Variants in FGF14 observed in about 807,000 individuals in gnomAD.
FGF14 encodes fibroblast growth factor homologous factor 4.
FGF14 carries 5 observed loss-of-function variants against 25.5 expected under a neutral mutation model. The ratio of observed to expected loss-of-function variants is 0.20; its 90% CI spans 0.10 to 0.41. The LOEUF (loss-of-function observed/expected upper bound fraction) is 0.41. Among genes scored for constraint, FGF14 ranks in the 10% least tolerant of loss-of-function variants. FGF14 has a pLI of 1.00. For synonymous variants in FGF14, 138 were observed against 118.3 expected, an observed-to-expected ratio of 1.17 and a Z score of -1.08; for missense variants, 222 against 320.1, an observed-to-expected ratio of 0.69 and a Z score of 2.34.
Position 102,150,087 on chromosome 13 carries a change from A to T in FGF14, c.208+251384T>A, listed in dbSNP as rs114594647. Among the ~76,000 whole-genome samples the T allele has an allele frequency of 3.4e-3, 513 of 152,322 alleles. 1 individual carries two copies. The highest frequency in any genetic ancestry group is 0.011 in the African/African-American group (456 of 41,580). On this transcript the variant is annotated intron_variant, in intron 1 of 4. Transcript: ENST00000376131. ...TACCCCAGTTGAAGCGGAGTAAGAC[A>T]GTGGAAAGAGCATTGATCAGGGAAC... is the stretch of plus-strand genomic sequence containing the variant.
chr13:101,760,542 G>C (rs1344178408), intron 3 of FGF14, among the ~76,000 whole-genome samples: 1 of 152,136 alleles, frequency 6.6e-6, no homozygotes, highest in African/African-American at 2.4e-5. Flanking sequence ...AACTGTTCAT[G>C]CTGTTCCCTT....
At chr13:102,148,145 G>A (rs573598128) in intron 1 of FGF14, among the ~76,000 whole-genome samples, 13 of 152,158 alleles carry the variant, frequency 8.5e-5, no homozygotes, top group Admixed American at 2.6e-4. Context: ...TACATGAGAA[G>A]CTCATTTATC....
rs555531943 is a variant in FGF14 at position 102,253,729 on chromosome 13, C to T, written c.208+147742G>A. 5.4e-3 allele frequency among the ~76,000 whole-genome samples: 816 copies of T among 152,122 alleles called. 8 individuals carry two copies. Among genetic ancestry groups the T allele is most frequent in the African/African-American group, 0.018 (766 of 41,504 alleles). On this transcript the variant is annotated intron_variant, in intron 1 of 4. Transcript: ENST00000376131. ...ACTCTTACTCTTTATGGGTTTTTTT[C>T]CCCCACATATTTTCGATCTGTGGTT...
At chr13:102,095,025 C>T (rs890355437) in intron 1 of FGF14, among the ~76,000 whole-genome samples, 4 of 152,108 alleles carry the variant, frequency 2.6e-5, no homozygotes, top group Non-Finnish European at 5.9e-5. Context: ...AGAGAAACAT[C>T]ATGAAAGCCT....
At chr13:101,844,462 C>G (rs574718862) in intron 3 of FGF14, among the ~76,000 whole-genome samples, 1 of 151,974 alleles carries the variant, frequency 6.6e-6, no homozygotes, top group African/African-American at 2.4e-5. Flanking sequence ...ATCATAATAA[C>G]CATATAATTA....
chr13:102,150,076 C>T (rs72665334), intron 1 of FGF14, among the ~76,000 whole-genome samples: 7,321 of 152,134 alleles, frequency 0.048, 309 homozygotes, highest in Non-Finnish European at 0.065. Flanking sequence ...CCAGTTGAAG[C>T]GGAGTAAGAC....
intron 1 of FGF14, among the ~76,000 whole-genome samples, chr13:101,986,360 C>A (rs1594910816): frequency 6.6e-6 from 1 of 152,090 alleles, no homozygotes. Flanking sequence ...AGCTATGACA[C>A]AATAATAGTT....
At chr13:102,305,030 T>C (rs1478830863) in intron 1 of FGF14, among the ~76,000 whole-genome samples, 1 of 152,184 alleles carries the variant, frequency 6.6e-6, no homozygotes, top group Non-Finnish European at 1.5e-5. Context: ...ACAGTGTGCA[T>C]ACAAAATCCA....
intron 3 of FGF14, among the ~76,000 whole-genome samples, chr13:101,764,688 C>A (rs7338070): frequency 6.6e-6 from 1 of 152,102 alleles, no homozygotes; most frequent in African/African-American, 2.4e-5. Context: ...TAGTGGGATT[C>A]CTGGTCTCTA....
At chr13:101,795,176 T>C (rs990387) in intron 3 of FGF14, among the ~76,000 whole-genome samples, 134,422 of 152,148 alleles carry the variant, frequency 0.88, 61,659 homozygotes, top group East Asian at 1. Context: ...ACAGACAATA[T>C]GCATTCACAT....
chr13:102,096,161 G>A (rs1037187227), intron 1 of FGF14, among the ~76,000 whole-genome samples: 3 of 151,938 alleles, frequency 2.0e-5, no homozygotes, highest in African/African-American at 7.3e-5. Context: ...TTTAGCAAAG[G>A]TCACTCAATA....
intron 1 of FGF14, among the ~76,000 whole-genome samples, chr13:102,093,813 T>TTA (rs1251444754): frequency 6.9e-6 from 1 of 144,122 alleles, no homozygotes; most frequent in Non-Finnish European, 1.5e-5. Flanking sequence ...GATCATTGTT[T>TTA]AAAAAAAAAA....
chr13:101,930,840 T>C (rs78305913), intron 1 of FGF14, among the ~76,000 whole-genome samples: 6,084 of 152,218 alleles, frequency 0.04, 435 homozygotes, highest in African/African-American at 0.14. Flanking sequence ...CTCAAAAGTT[T>C]AGTAGGAAGG....
intron 1 of FGF14, among the ~76,000 whole-genome samples, chr13:102,151,460 T>C (rs1429089119): frequency 6.6e-6 from 1 of 152,194 alleles, no homozygotes; most frequent in Non-Finnish European, 1.5e-5. Context: ...TATACTAATG[T>C]CAAATCGTAT....
intron 1 of FGF14, among the ~76,000 whole-genome samples, chr13:101,928,760 A>C (rs1389426027): frequency 2.0e-5 from 3 of 152,170 alleles, no homozygotes; most frequent in Non-Finnish European, 4.4e-5. Context: ...CCTCTCCATC[A>C]CAGCTCTGTA....
At chr13:102,056,136 T>C (rs1466151098) in intron 1 of FGF14, among the ~76,000 whole-genome samples, 2 of 152,230 alleles carry the variant, frequency 1.3e-5, no homozygotes, top group Non-Finnish European at 2.9e-5. Context: ...AACACAGCTA[T>C]GCTCATTCAT....
In FGF14 at chr13:101,722,601, G is replaced by A. The variant is rs888866989; in HGVS notation, c.*230C>T. 3.4e-6 allele frequency: 2 copies of A among 581,378 alleles called. No homozygotes were observed. The highest frequency in any genetic ancestry group is 6.2e-6 in the Non-Finnish European group (2 of 324,638). 36.0% of individuals were successfully genotyped at this position (581,378 alleles called of 1,614,324 possible). A position where few individuals can be genotyped will look rare whatever the true frequency, so the allele number is the denominator to read the frequency against. On this transcript the variant is annotated 3_prime_UTR_variant, in exon 5 of 5. Transcript: ENST00000376143. ...ATATTAAAAAGGCATTCCATATCTG[G>A]TAGGGCATTCCATGGTCTGAGTTTA...
chr13:101,859,433 A>G (rs2044294788), intron 3 of FGF14, among the ~76,000 whole-genome samples: 1 of 152,100 alleles, frequency 6.6e-6, no homozygotes, highest in South Asian at 2.1e-4. Flanking sequence ...TTTAAACCAC[A>G]ATTTTTAACT....
At chr13:102,375,139 T>C (rs2058008247) in intron 1 of FGF14, among the ~76,000 whole-genome samples, 1 of 152,052 alleles carries the variant, frequency 6.6e-6, no homozygotes, top group Non-Finnish European at 1.5e-5. Flanking sequence ...TGTACCCAAA[T>C]GGAACTGGAA....
Sources: gnomAD v4.1 joint callset for allele counts (sites outside exome capture counted in the v4.1 genomes callset) on GRCh38, gnomAD v4.1.1 for gene constraint, MANE v1.5 for transcripts, NCBI Gene and HGNC (gene_info 2026-07-23, HGNC 2026-07-21) for gene names.